The following GPC6 variants were observed in gnomAD, a reference collection of about 807,000 sequenced individuals.
GPC6 encodes glypican 6.
Under a neutral mutation model 55.2 loss-of-function variants are expected in GPC6, and 14 were observed. The ratio of observed to expected loss-of-function variants is 0.25; its 90% CI spans 0.17 to 0.40. GPC6 has a LOEUF of 0.40. Ranked by LOEUF, GPC6 falls within the 10% of genes least tolerant of loss-of-function variation. The probability of loss-of-function intolerance (pLI) is 1.00; values close to 1 mark genes in which losing one functional copy is unlikely to be tolerated. For missense variants in GPC6, 641 were observed against 708.5 expected (o/e 0.90, Z 1.08); for synonymous variants, 278 against 259.6 (o/e 1.07, Z -0.68).
At chr13:93,421,155 A>G (rs1876908244) in intron 1 of GPC6, among the ~76,000 whole-genome samples, 1 of 152,066 alleles carries the variant, frequency 6.6e-6, no homozygotes, top group Non-Finnish European at 1.5e-5. Flanking sequence ...AGCTGGGTGA[A>G]GTGACTTTCT....
At chr13:94,326,545 A>G (rs986142875) in intron 6 of GPC6, among the ~76,000 whole-genome samples, 57 of 152,224 alleles carry the variant, frequency 3.7e-4, no homozygotes, top group Non-Finnish European at 2.4e-4. Context: ...TTATTTTCTT[A>G]GAACAGTTTT....
At chr13:93,363,284 C>T (rs2139180675) in intron 1 of GPC6, among the ~76,000 whole-genome samples, 1 of 151,092 alleles carries the variant, frequency 6.6e-6, no homozygotes, top group Non-Finnish European at 1.5e-5. Context: ...TCCCTCCCTC[C>T]TCCCCCCACC....
chr13:93,702,346 C>A (rs139675378), intron 2 of GPC6, among the ~76,000 whole-genome samples: 2 of 151,828 alleles, frequency 1.3e-5, no homozygotes, highest in Admixed American at 6.6e-5. Context: ...TTCAGTTAAC[C>A]GTGCTCTAAA....
chr13:93,825,867 T>C (rs1488613000), intron 2 of GPC6, among the ~76,000 whole-genome samples: 4 of 145,972 alleles, frequency 2.7e-5, no homozygotes, highest in Middle Eastern at 3.3e-3. Context: ...TTTCTTTTTT[T>C]TTTTTTTTTT....
intron 4 of GPC6, among the ~76,000 whole-genome samples, chr13:94,100,972 A>G (rs9561500): frequency 0.3 from 46,055 of 152,176 alleles, 8,399 homozygotes; most frequent in Middle Eastern, 0.43. Flanking sequence ...ACAAGAGGTC[A>G]TTCATTTATT....
intron 3 of GPC6, among the ~76,000 whole-genome samples, chr13:93,878,384 T>A (rs562414005): frequency 1.3e-5 from 2 of 152,174 alleles, no homozygotes; most frequent in South Asian, 4.1e-4. Flanking sequence ...CTCTTACCTT[T>A]CAGACTCTTT....
intron 4 of GPC6, among the ~76,000 whole-genome samples, chr13:94,118,359 T>C (rs1207717397): frequency 6.6e-6 from 1 of 152,096 alleles, no homozygotes; most frequent in Non-Finnish European, 1.5e-5. Flanking sequence ...CTTCTGCCAT[T>C]ATTTTAAGTT....
chr13:93,609,529 C>T (rs941171877), intron 2 of GPC6, among the ~76,000 whole-genome samples: 2 of 152,134 alleles, frequency 1.3e-5, no homozygotes, highest in Non-Finnish European at 2.9e-5. Flanking sequence ...TGAGCCACCG[C>T]GCCCAGCTGC....
chr13:93,421,752 G>C (rs1876931610), intron 1 of GPC6, among the ~76,000 whole-genome samples: 1 of 152,130 alleles, frequency 6.6e-6, no homozygotes, highest in Non-Finnish European at 1.5e-5. Context: ...CTTGCCTATT[G>C]TTTGAGCATG....
chr13:94,026,558 A>C (rs1882906032), intron 3 of GPC6, among the ~76,000 whole-genome samples: 1 of 152,094 alleles, frequency 6.6e-6, no homozygotes, highest in Non-Finnish European at 1.5e-5. Flanking sequence ...TGAATATGGC[A>C]ACAATTTTTA....
chr13:94,039,060 G>C (rs925250775), intron 4 of GPC6, among the ~76,000 whole-genome samples: 1 of 152,028 alleles, frequency 6.6e-6, no homozygotes, highest in Non-Finnish European at 1.5e-5. Context: ...GGTGACACCA[G>C]GGGGGGAAAA....
chr13:93,356,389 A>G (rs1463063102), intron 1 of GPC6, among the ~76,000 whole-genome samples: 2 of 152,310 alleles, frequency 1.3e-5, no homozygotes, highest in East Asian at 3.9e-4. Context: ...CTTTGTGCCC[A>G]TAATAGCAAA....
At chr13:93,843,079 C>CT (rs67581832) in intron 3 of GPC6, among the ~76,000 whole-genome samples, 5,292 of 134,310 alleles carry the variant, frequency 0.039, 273 homozygotes, top group East Asian at 0.18. Flanking sequence ...GGTGGCACTT[C>CT]TTTTTTTTTT....
At chr13:94,216,235 A>G (rs894644643) in intron 4 of GPC6, among the ~76,000 whole-genome samples, 2 of 152,198 alleles carry the variant, frequency 1.3e-5, no homozygotes, top group Non-Finnish European at 2.9e-5. Context: ...AGGTAAGAAT[A>G]ACGCATAATT....
intron 3 of GPC6, among the ~76,000 whole-genome samples, chr13:93,870,401 T>C (rs1049943345): frequency 6.6e-6 from 1 of 151,916 alleles, no homozygotes; most frequent in Non-Finnish European, 1.5e-5. Flanking sequence ...CCTTGTGCAC[T>C]GCTGACATCA....
At chr13:93,883,550 A>C (rs995304499) in intron 3 of GPC6, among the ~76,000 whole-genome samples, 14 of 151,820 alleles carry the variant, frequency 9.2e-5, no homozygotes, top group Non-Finnish European at 1.5e-4. Context: ...TTCTCTAATC[A>C]TTAGTGATGT....
intron 3 of GPC6, among the ~76,000 whole-genome samples, chr13:93,998,366 A>G (rs1881649666): frequency 6.6e-6 from 1 of 152,216 alleles, no homozygotes; most frequent in South Asian, 2.1e-4. Flanking sequence ...ATTTATAAAC[A>G]TTCAACATTG....
chr13:93,439,662 CAAATA>C (rs778944158), intron 1 of GPC6, among the ~76,000 whole-genome samples: 15 of 145,554 alleles, frequency 1.0e-4, no homozygotes, highest in African/African-American at 1.3e-4. Flanking sequence ...AACTACATCT[CAAATA>C]AAATAAAATA....
Position 93,486,958 on chromosome 13 carries a change from CA to C in GPC6, c.161-58298del, listed in dbSNP as rs1879739674. Among the ~76,000 whole-genome samples the C allele has an allele frequency of 6.6e-5, 9 of 136,588 alleles. No homozygotes were observed. In the South Asian group the frequency reaches 1.4e-3, roughly 22 times the overall value. 89.6% of individuals were successfully genotyped at this position (136,588 alleles called of 152,430 possible). ...GACTCCATCTCAAAAAAAAAAAAAA[CA>C]AAAAAACCCCAAAAAACACAAAAAA... On this transcript the variant is annotated intron_variant, in intron 1 of 8. Transcript: ENST00000377047.
Sources: allele counts gnomAD v4.1 joint callset (sites outside exome capture counted in the v4.1 genomes callset), GRCh38; gene constraint gnomAD v4.1.1; transcripts MANE v1.5; gene names NCBI Gene and HGNC (gene_info 2026-07-23, HGNC 2026-07-21).